BPIFB1: variants seen among roughly 807,000 people sequenced by gnomAD.
BPIFB1 encodes the protein BPI fold containing family B member 1.
BPIFB1 carries 34 observed loss-of-function variants against 55.1 expected under a neutral mutation model. The ratio of observed to expected loss-of-function variants is 0.62; its 90% CI spans 0.47 to 0.82. BPIFB1 has a LOEUF of 0.82. BPIFB1 is among the 40% of genes least tolerant of loss of function. BPIFB1 has a pLI of 0.00. For synonymous variants in BPIFB1, 236 were observed against 245.3 expected (o/e 0.96, Z 0.35); for missense variants, 532 against 593.1 (o/e 0.90, Z 1.07).
Position 33,302,343 on chromosome 20 carries a change from C to A in BPIFB1, c.928-16C>A. The A allele has an allele frequency of 1.2e-6, 2 of 1,613,946 alleles. No individual in the cohort carries two copies. Among genetic ancestry groups the A allele is most frequent in the Non-Finnish European group, 1.7e-6 (2 of 1,179,888 alleles). ...GTGCCCTCCAACTGACCTTCTCTGG[C>A]TCCTCTCACCCTCAGCTTCCTGAGA... On this transcript the variant is annotated splice_polypyrimidine_tract_variant and intron_variant, in intron 9 of 15. Transcript: ENST00000253354.
In BPIFB1 at chr20:33,291,155, C is replaced by G. The variant is rs377564359; in HGVS notation, c.515+49C>G. Reference sequence around the variant, plus strand: ...GGGCTCCCATCCTGCCTGGAAGGAACGCCAGGCAGTGGACTTCCCCCATTT... The same window carrying G: ...GGGCTCCCATCCTGCCTGGAAGGAAGGCCAGGCAGTGGACTTCCCCCATTT... On this transcript the variant is annotated intron_variant, in intron 5 of 15. Coordinates refer to ENST00000253354, the MANE Select transcript of BPIFB1 (RefSeq NM_033197.3). 6 of 1,594,012 alleles carry G rather than the reference C, an allele frequency of 3.8e-6. No individual in the cohort carries two copies. In the East Asian group the frequency reaches 1.3e-4, roughly 36 times the overall value.
At position 33,304,647 on chromosome 20, in the gene BPIFB1, T is replaced by C. The variant is rs144068442; in HGVS notation, c.1209-199T>C. Among the ~76,000 whole-genome samples, 261 of 152,246 alleles carry C rather than the reference T, an allele frequency of 1.7e-3. 1 individual carries two copies. Among genetic ancestry groups the C allele is most frequent in the African/African-American group, 5.8e-3 (241 of 41,548 alleles). ...TTTCTGCTCACTGGACTGCTATTTGTTTTCTGTGCCCCCTCTATGCCCCCC... is the reference window on the plus strand; with the variant it reads ...TTTCTGCTCACTGGACTGCTATTTGCTTTCTGTGCCCCCTCTATGCCCCCC... On this transcript the variant is annotated intron_variant, in intron 12 of 15. Transcript: ENST00000253354.
rs1555797314 is a variant in BPIFB1 at position 33,289,397 on chromosome 20, A to AAC, written c.258-487_258-486insCA. Among the ~76,000 whole-genome samples, 270 of 149,254 alleles carry AAC rather than the reference A, an allele frequency of 1.8e-3. 1 individual carries two copies. The highest frequency in any genetic ancestry group is 5.9e-3 in the African/African-American group (241 of 40,642). On this transcript the variant is annotated intron_variant, in intron 3 of 15. Transcript: ENST00000253354. ...ATTCTGTCTCAAAAAAAAAAAAACA[A>AAC]AAAAAAAAAAACAACCCAGAGCAAG...
chr20:33,307,131 C>A (rs1188474871), intron 15 of BPIFB1, 144 bp downstream of exon 15: 1 of 672,658 alleles, frequency 1.5e-6, no homozygotes. Context: ...CTCACCTCCT[C>A]ATCTGCAAGT....
At chr20:33,289,415 A>G (rs1980380589) in intron 3 of BPIFB1, among the ~76,000 whole-genome samples, 1 of 150,402 alleles carries the variant, frequency 6.6e-6, no homozygotes, top group Non-Finnish European at 1.5e-5. Context: ...AAAACAACCC[A>G]GAGCAAGGTT....
At chr20:33,298,893 C>T (rs1300381151) in intron 7 of BPIFB1, 3 of 412,968 alleles carry the variant, frequency 7.3e-6, no homozygotes, top group African/African-American at 4.3e-5. Context: ...ATTTTGTTGA[C>T]AAGTCTGTAG....
At position 33,291,098 on chromosome 20, in the gene BPIFB1, G is replaced by T; in HGVS notation, c.507G>T (p.Leu169=). 6.2e-7 allele frequency: 1 copy of T among 1,611,152 alleles called. No homozygotes were observed. The highest frequency in any genetic ancestry group is 1.1e-5 in the South Asian group (1 of 91,068). The stretch of plus-strand genomic sequence containing the variant: ...GCCATGGGAGCCTGCGCATCCAACT[G>T]CTGCATAAGTGAGTGTCGCTGGCCA... ...ATSHGSLRIQ[L]LHKLSFLVNA... Residue 169 remains leucine, a synonymous_variant, in exon 5 of 16, where the codon CTG becomes CTT. Transcript: ENST00000253354.
At chr20:33,291,164 G>A in intron 5 of BPIFB1, 58 bp downstream of exon 5, 1 of 1,586,350 alleles carries the variant, frequency 6.3e-7, no homozygotes, top group East Asian at 2.3e-5. Flanking sequence ...ACGCCAGGCA[G>A]TGGACTTCCC....
chr20:33,293,794 T>C (rs1476254847), intron 6 of BPIFB1, among the ~76,000 whole-genome samples: 3 of 152,212 alleles, frequency 2.0e-5, no homozygotes, highest in Non-Finnish European at 4.4e-5. Context: ...TGAGTCACAG[T>C]TGTGCCACTG....
Position 33,302,951 on chromosome 20 carries a change from G to A in BPIFB1, c.1017G>A (p.Lys339=). The A allele has an allele frequency of 1.2e-6, 2 of 1,614,162 alleles. No individual in the cohort carries two copies. The highest frequency in any genetic ancestry group is 8.5e-7 in the Non-Finnish European group (1 of 1,180,026). ...ADKLGSTQIV[K]ILTQDTPEFF... ...AGCTGGGATCTACCCAGATCGTGAAGATCCTAACTCAGGACACTCCCGAGT... is the reference window on the plus strand; with the variant it reads ...AGCTGGGATCTACCCAGATCGTGAAAATCCTAACTCAGGACACTCCCGAGT... The change falls in exon 11 of 16, where the codon AAG becomes AAA. Residue 339 remains lysine, a synonymous_variant. Coordinates refer to ENST00000253354, the MANE Select transcript of BPIFB1 (RefSeq NM_033197.3).
chr20:33,305,956 T>A, intron 13 of BPIFB1, 46 bp from the exon 14 acceptor site: 1 of 1,605,650 alleles, frequency 6.2e-7, no homozygotes, highest in Non-Finnish European at 8.5e-7. Flanking sequence ...GGGGGGGAAC[T>A]TCAGATGCTC....
In BPIFB1 at chr20:33,289,878, C is replaced by T. The variant is rs1413256466; in HGVS notation, c.258-7C>T. On this transcript the variant is annotated splice_region_variant and splice_polypyrimidine_tract_variant and intron_variant, in intron 3 of 15. Coordinates refer to ENST00000253354, the MANE Select transcript of BPIFB1 (RefSeq NM_033197.3). ...CATGATTCTGATCTCTCCTAAACCC[C>T]ATCCAGGCTGAAGGTCATCACAGCT... 4.8e-5 allele frequency: 78 copies of T among 1,612,704 alleles called. No individual in the cohort carries two copies. Among genetic ancestry groups the T allele is most frequent in the Non-Finnish European group, 5.9e-5 (70 of 1,178,814 alleles).
At chr20:33,288,699 T>C (rs1229620704) in intron 2 of BPIFB1, 42 bp from the exon 3 acceptor site, 1 of 1,599,188 alleles carries the variant, frequency 6.3e-7, no homozygotes, top group Non-Finnish European at 8.5e-7. Context: ...CCTTCCTTCT[T>C]GCCCCTCCTC....
Position 33,309,697 on chromosome 20 carries a change from TC to T in BPIFB1, c.1396-9del, listed in dbSNP as rs1981167131. The T allele has an allele frequency of 6.2e-7, 1 of 1,613,708 alleles. No individual in the cohort carries two copies. Among genetic ancestry groups the T allele is most frequent in the Non-Finnish European group, 8.5e-7 (1 of 1,179,714 alleles). On this transcript the variant is annotated splice_polypyrimidine_tract_variant and intron_variant, in intron 15 of 15. Transcript: ENST00000253354. The surrounding 1 kb of genome is among the most constrained non-coding windows in gnomAD (Gnocchi z 4.4). ...GAAACCTGTTTTCTGACTTTTCCCCTCCAATTCCAGGATGCCCTTGTGCTTA... is the reference window on the plus strand; with the variant it reads ...GAAACCTGTTTTCTGACTTTTCCCCTCAATTCCAGGATGCCCTTGTGCTTA...
chr20:33,285,465 G>A (rs1203503252), intron 1 of BPIFB1, among the ~76,000 whole-genome samples: 2 of 151,230 alleles, frequency 1.3e-5, no homozygotes, highest in African/African-American at 2.5e-5. Context: ...TGTAATCCCA[G>A]CACTTTGGGA....
intron 12 of BPIFB1, among the ~76,000 whole-genome samples, 168 bp from the exon 13 acceptor site, chr20:33,304,678 A>C (rs1040371146): frequency 1.8e-4 from 26 of 140,984 alleles, no homozygotes; most frequent in African/African-American, 3.2e-4. Flanking sequence ...CCCCCACCCC[A>C]CCCCTGCCAT....
At chr20:33,292,086 G>C in intron 6 of BPIFB1, 98 bp downstream of exon 6, 1 of 1,135,584 alleles carries the variant, frequency 8.8e-7, no homozygotes, top group Non-Finnish European at 1.3e-6. Flanking sequence ...GAGTCTCCTT[G>C]GGTGGGTTTT....
At chr20:33,290,846 G>C in intron 4 of BPIFB1, 111 bp from the exon 5 acceptor site, 2 of 1,228,882 alleles carry the variant, frequency 1.6e-6, no homozygotes, top group Non-Finnish European at 2.3e-6. Context: ...GGAGAAACCA[G>C]CAAAGGAGAC....
chr20:33,288,472 C>T (rs1251041469), intron 2 of BPIFB1, among the ~76,000 whole-genome samples: 2 of 152,186 alleles, frequency 1.3e-5, no homozygotes, highest in Non-Finnish European at 2.9e-5. Flanking sequence ...GGCCGACACT[C>T]CCCACAGAGG....
Sources: allele counts gnomAD v4.1 joint callset (sites outside exome capture counted in the v4.1 genomes callset), GRCh38; gene constraint gnomAD v4.1.1; non-coding constraint Gnocchi (gnomAD v3.1); transcripts MANE v1.5; gene names NCBI Gene and HGNC (gene_info 2026-07-23, HGNC 2026-07-21).